Variants in REPS1 observed in about 807,000 individuals in gnomAD.
REPS1 encodes ralBP1-associated Eps domain-containing protein 1.
In REPS1, 39 loss-of-function variants were observed where a neutral mutation model predicts 100.9. The observed-to-expected ratio is 0.39, with a 90% CI of 0.30 to 0.50. The LOEUF (loss-of-function observed/expected upper bound fraction) is 0.50. Among genes scored for constraint, REPS1 ranks in the 20% least tolerant of loss-of-function variants. REPS1 has a pLI of 0.86. For missense variants in REPS1, 821 were observed against 968.5 expected (o/e 0.85, Z 2.02); for synonymous variants, 324 against 340.3 (o/e 0.95, Z 0.53).
intron 1 of REPS1, among the ~76,000 whole-genome samples, chr6:138,949,726 A>AT (rs1223333923): frequency 1.2e-4 from 6 of 48,120 alleles, no homozygotes; most frequent in Non-Finnish European, 2.4e-4. Context: ...ACTCCATCTC[A>AT]TAAAAAAAAA....
chr6:138,923,409 T>TAA (rs1219608274), intron 10 of REPS1, among the ~76,000 whole-genome samples: 1 of 152,224 alleles, frequency 6.6e-6, no homozygotes, highest in African/African-American at 2.4e-5. Flanking sequence ...TTAGATGCTT[T>TAA]AATTCATAAC....
rs1782528662 is a variant in REPS1 at position 138,945,201 on chromosome 6, C to T, written c.628+18G>A. On this transcript the variant is annotated intron_variant, in intron 4 of 19. Transcript: ENST00000450536. ...CTGGGCAACACAATGACACTCTAAT[C>T]AATCAATCTCTAAATACCTGATTGT... 1 of 1,585,226 alleles carries T rather than the reference C, an allele frequency of 6.3e-7. No homozygotes were observed. The highest frequency in any genetic ancestry group is 8.6e-7 in the Non-Finnish European group (1 of 1,166,256).
chr6:138,935,547 A>G (rs943761997), intron 8 of REPS1, among the ~76,000 whole-genome samples: 30 of 152,208 alleles, frequency 2.0e-4, no homozygotes, highest in South Asian at 1.0e-3. Flanking sequence ...GTGGAAATGG[A>G]GTATAAAGAA....
At chr6:138,976,604 T>A (rs1784615018) in intron 1 of REPS1, among the ~76,000 whole-genome samples, 1 of 152,234 alleles carries the variant, frequency 6.6e-6, no homozygotes, top group Non-Finnish European at 1.5e-5. Context: ...TATATTTCTA[T>A]AATTTCCCAT....
chr6:138,912,540 G>A (rs1271491178), intron 16 of REPS1: 4 of 545,152 alleles, frequency 7.3e-6, no homozygotes, highest in Non-Finnish European at 1.3e-5. Flanking sequence ...GCCAGGCGGT[G>A]GTGTCTTTGC....
At chr6:138,939,109 G>A (rs1452833591) in intron 8 of REPS1, among the ~76,000 whole-genome samples, 1 of 152,074 alleles carries the variant, frequency 6.6e-6, no homozygotes, top group East Asian at 1.9e-4. Context: ...TGAATCTCAG[G>A]TTTATGATAG....
chr6:138,979,742 C>T (rs1385030201), intron 1 of REPS1, among the ~76,000 whole-genome samples: 1 of 152,202 alleles, frequency 6.6e-6, no homozygotes, highest in Non-Finnish European at 1.5e-5. Context: ...TTCCTAGCGT[C>T]CTTCCAAGAA....
rs1029281303 is a variant in REPS1, at chr6:138,973,561, C to A, written c.153+13969G>T. Among the ~76,000 whole-genome samples, 7 of 121,070 alleles carry A rather than the reference C, an allele frequency of 5.8e-5. 1 individual carries two copies. In the East Asian group the frequency reaches 1.4e-3, roughly 24 times the overall value. The allele number at this position is 121,070 out of a possible 152,430, so 79.4% of individuals were successfully genotyped here. A position where few individuals can be genotyped will look rare whatever the true frequency, so the allele number is the denominator to read the frequency against. On this transcript the variant is annotated intron_variant, in intron 1 of 19. Transcript: ENST00000450536. ...AGAAAACATTTTTGAAGGAGTAATA[C>A]ACAAGCGTGTCAGAAAGTAATCTGA...
chr6:138,963,114 A>T (rs1366832290), intron 1 of REPS1, among the ~76,000 whole-genome samples: 1 of 84,438 alleles, frequency 1.2e-5, no homozygotes, highest in Non-Finnish European at 2.0e-5. Context: ...TCTCGAAATA[A>T]CTAACTAACT....
At chr6:138,921,637 C>T (rs1221648094) in intron 10 of REPS1, among the ~76,000 whole-genome samples, 4 of 120,540 alleles carry the variant, frequency 3.3e-5, no homozygotes, top group East Asian at 2.8e-4. Context: ...AGTACAGTGG[C>T]GTGATCTTGG....
intron 1 of REPS1, among the ~76,000 whole-genome samples, chr6:138,983,850 C>T (rs59013959): frequency 0.021 from 3,225 of 152,200 alleles, 104 homozygotes; most frequent in African/African-American, 0.073. Flanking sequence ...GGACAAATCT[C>T]CACCCACTTC....
At position 138,941,455 on chromosome 6, in the gene REPS1, T is replaced by C. The variant is rs1339156199; in HGVS notation, c.1015A>G (p.Thr339Ala). Residue 339 changes from threonine to alanine, a missense_variant, in exon 8 of 20, where the codon ACA (threonine) becomes GCA (alanine). Thr to Ala is a moderately conservative substitution (Grantham distance 58). Transcript: ENST00000450536. ...AAAGCAGCACAAAACTCATCCAGTG[T>C]CAATGCACCATCTTTATCAAAGTCT... ...LSDFDKDGAL[T>A]LDEFCAAFHL... is the part of the protein sequence containing the mutation. The C allele has an allele frequency of 1.2e-6, 2 of 1,613,998 alleles. No individual in the cohort carries two copies. Among genetic ancestry groups the C allele is most frequent in the Non-Finnish European group, 1.7e-6 (2 of 1,179,898 alleles).
Position 138,920,229 on chromosome 6 carries a change from G to A in REPS1, c.1514C>T (p.Ser505Phe), listed in dbSNP as rs1253596693. 6.4e-7 allele frequency: 1 copy of A among 1,565,942 alleles called. No individual in the cohort carries two copies. Among genetic ancestry groups the A allele is most frequent in the African/African-American group, 1.4e-5 (1 of 73,842 alleles). The change falls in exon 12 of 20, where the codon TCT (serine) becomes TTT (phenylalanine). Residue 505 changes from serine (S) to phenylalanine (F), a missense_variant. By Grantham distance (155) the Ser-to-Phe change is radical. Transcript: ENST00000450536. ...NKINSSVKFA[S>F]GNTVADGYSS... ...ACTTCACTTACCTACAGTATTACCA[G>A]AAGCGAATTTCACCGATGAATTTAT...
intron 18 of REPS1, among the ~76,000 whole-genome samples, 196 bp from the exon 19 acceptor site, chr6:138,907,796 A>G (rs945782777): frequency 1.3e-5 from 2 of 152,050 alleles, no homozygotes; most frequent in African/African-American, 4.8e-5. Context: ...AAAAAAAAAA[A>G]AGAAATTATT....
intron 1 of REPS1, among the ~76,000 whole-genome samples, chr6:138,952,229 G>A (rs1290616265): frequency 6.6e-6 from 1 of 152,018 alleles, no homozygotes; most frequent in Non-Finnish European, 1.5e-5. Flanking sequence ...AAGAAAGAAA[G>A]GGCATCTGAA....
chr6:138,915,708 A>G (rs1780321913), intron 14 of REPS1, 150 bp downstream of exon 14: 1 of 582,202 alleles, frequency 1.7e-6, no homozygotes, highest in Non-Finnish European at 3.0e-6. Flanking sequence ...CTGCCCCTCA[A>G]AGTGCTGGGA....
chr6:138,914,745 T>A lies in REPS1; in HGVS notation c.1737A>T (p.Gly579=). 3 of 1,611,704 alleles carry A rather than the reference T, an allele frequency of 1.9e-6. No individual in the cohort carries two copies. Among genetic ancestry groups the A allele is most frequent in the Non-Finnish European group, 2.5e-6 (3 of 1,179,334 alleles). The change falls in exon 15 of 20, where the codon GGA becomes GGT. Residue 579 remains glycine, a synonymous_variant. Coordinates refer to ENST00000450536, the MANE Select transcript of REPS1 (RefSeq NM_001286611.2). ...FTVTTGQQQA[G]VVAHPPAVPP... is the part of the protein sequence containing the mutation. ...GCACTGCAGGAGGATGGGCAACAAC[T>A]CCAGCCTGTTGTTGTCCTGCATGAA... is the stretch of plus-strand genomic sequence containing the variant.
intron 10 of REPS1, among the ~76,000 whole-genome samples, chr6:138,922,780 G>A (rs1780863836): frequency 6.6e-6 from 1 of 152,234 alleles, no homozygotes. Flanking sequence ...CATGAATTAA[G>A]TTTATAATTT....
At chr6:138,941,621 A>G (rs939860871) in intron 7 of REPS1, 132 bp from the exon 8 acceptor site, 1 of 816,790 alleles carries the variant, frequency 1.2e-6, no homozygotes, top group South Asian at 1.8e-5. Context: ...CCATACACAG[A>G]AAGATGTGTA....
Sources: gnomAD v4.1 joint callset for allele counts (sites outside exome capture counted in the v4.1 genomes callset) on GRCh38, gnomAD v4.1.1 for gene constraint, MANE v1.5 for transcripts, NCBI Gene and HGNC (gene_info 2026-07-23, HGNC 2026-07-21) for gene names.